Variants in NUTF2 observed in about 807,000 individuals in gnomAD.
NUTF2 encodes placental protein 15.
In NUTF2, 3 loss-of-function variants were observed where a neutral mutation model predicts 18.5. That is an observed-to-expected ratio of 0.16 (90% CI 0.07 to 0.42). The LOEUF is 0.42. Among genes scored for constraint, NUTF2 ranks in the 10% least tolerant of loss-of-function variants. NUTF2 has a pLI of 0.99. For synonymous variants in NUTF2, 51 were observed against 57.9 expected (o/e 0.88, Z 0.54); for missense variants, 44 against 160.7 (o/e 0.27, Z 3.93).
At chr16:67,847,130 A>C (rs1261297801) in intron 1 of NUTF2, 145 bp downstream of exon 1, 1 of 129,750 alleles carries the variant, frequency 7.7e-6, no homozygotes, top group African/African-American at 2.9e-5. Context: ...GGCCCGGGCC[A>C]TGTGTCGCGC....
chr16:67,863,447 C>G lies in NUTF2; in HGVS notation c.-29-1655C>G, dbSNP rs1282785143. ...CACAGAGCGGAGGATTGGCTGCGTT[C>G]TCACTCTTTCCCTACACGATTCCTC... On this transcript the variant is annotated intron_variant, in intron 1 of 4. Transcript: ENST00000219169. Among the ~76,000 whole-genome samples the G allele has an allele frequency of 5.5e-5, 8 of 144,266 alleles. No homozygotes were observed. In the East Asian group the frequency reaches 1.7e-3, roughly 31 times the overall value. The allele number at this position is 144,266 out of a possible 152,430, so 94.6% of individuals were successfully genotyped here.
At chr16:67,850,205 C>CT (rs768001106) in intron 1 of NUTF2, among the ~76,000 whole-genome samples, 5,425 of 149,716 alleles carry the variant, frequency 0.036, 295 homozygotes, top group African/African-American at 0.12. Flanking sequence ...TTCCCTGTAA[C>CT]TTCTTTTTTT....
At chr16:67,864,161 C>T (rs547376231) in intron 1 of NUTF2, among the ~76,000 whole-genome samples, 1 of 152,270 alleles carries the variant, frequency 6.6e-6, no homozygotes, top group African/African-American at 2.4e-5. Context: ...ATCACCTGGC[C>T]TCGGGGAAGT....
At chr16:67,858,459 A>T (rs72790368) in intron 1 of NUTF2, among the ~76,000 whole-genome samples, 3,786 of 152,250 alleles carry the variant, frequency 0.025, 84 homozygotes, top group Non-Finnish European at 0.035. Flanking sequence ...GAGCCACTGT[A>T]CCTGGCCACT....
intron 1 of NUTF2, among the ~76,000 whole-genome samples, chr16:67,863,316 T>G (rs888154703): frequency 6.6e-6 from 1 of 152,200 alleles, no homozygotes; most frequent in Non-Finnish European, 1.5e-5. Flanking sequence ...TGGACATTTC[T>G]TAGTCATCCC....
intron 2 of NUTF2, 107 bp from the exon 3 acceptor site, chr16:67,868,233 G>A: frequency 1.1e-6 from 1 of 914,524 alleles, no homozygotes; most frequent in Non-Finnish European, 1.7e-6. Flanking sequence ...GGAAACTGAA[G>A]TGTGGCCACA....
chr16:67,860,985 T>A (rs988174250), intron 1 of NUTF2, among the ~76,000 whole-genome samples: 8 of 152,230 alleles, frequency 5.3e-5, no homozygotes, highest in African/African-American at 1.9e-4. Context: ...CCTGAGGCCT[T>A]TGTTTGGAGG....
chr16:67,861,363 T>C (rs1439879006), intron 1 of NUTF2, among the ~76,000 whole-genome samples: 1 of 152,226 alleles, frequency 6.6e-6, no homozygotes, highest in African/African-American at 2.4e-5. Context: ...TTGGAAACAC[T>C]TAAAATTGGA....
intron 1 of NUTF2, among the ~76,000 whole-genome samples, chr16:67,850,329 C>T (rs1324786710): frequency 1.3e-5 from 2 of 151,726 alleles, no homozygotes; most frequent in African/African-American, 2.4e-5. Context: ...CTCAGCCTCC[C>T]GAGTAGCTGG....
At chr16:67,863,663 C>T (rs749256506) in intron 1 of NUTF2, among the ~76,000 whole-genome samples, 2 of 152,320 alleles carry the variant, frequency 1.3e-5, no homozygotes, top group East Asian at 1.9e-4. Flanking sequence ...GCATCAGATC[C>T]CACCACTGCG....
At chr16:67,855,230 C>T (rs754283700) in intron 1 of NUTF2, among the ~76,000 whole-genome samples, 16 of 152,138 alleles carry the variant, frequency 1.1e-4, no homozygotes, top group African/African-American at 1.4e-4. Flanking sequence ...ATTATTCACC[C>T]TCTTTTTCCT....
intron 1 of NUTF2, among the ~76,000 whole-genome samples, chr16:67,858,540 G>A (rs984022109): frequency 6.6e-6 from 1 of 152,236 alleles, no homozygotes; most frequent in Non-Finnish European, 1.5e-5. Flanking sequence ...TGGCACATAT[G>A]TGACACACGA....
intron 1 of NUTF2, among the ~76,000 whole-genome samples, chr16:67,854,097 C>T (rs188349429): frequency 8.3e-4 from 127 of 152,238 alleles, no homozygotes; most frequent in South Asian, 3.9e-3. Flanking sequence ...ACTACAGGCA[C>T]GCGCCACCAC....
intron 1 of NUTF2, among the ~76,000 whole-genome samples, chr16:67,856,343 C>G (rs954602918): frequency 1.3e-5 from 2 of 152,020 alleles, no homozygotes; most frequent in Admixed American, 6.6e-5. Flanking sequence ...AGGCACCCAC[C>G]ACCACGCCTG....
chr16:67,852,780 A>G (rs2057869690), intron 1 of NUTF2, among the ~76,000 whole-genome samples: 1 of 151,830 alleles, frequency 6.6e-6, no homozygotes, highest in African/African-American at 2.4e-5. Context: ...CCTGGGTTCT[A>G]GCGATTCTCT....
At chr16:67,860,317 CAG>C (rs2057926976) in intron 1 of NUTF2, among the ~76,000 whole-genome samples, 1 of 151,930 alleles carries the variant, frequency 6.6e-6, no homozygotes, top group Admixed American at 6.6e-5. Flanking sequence ...CCCTGTCACT[CAG>C]GGTGGATTGC....
intron 1 of NUTF2, among the ~76,000 whole-genome samples, chr16:67,853,465 C>T (rs550456017): frequency 2.0e-5 from 3 of 152,286 alleles, no homozygotes; most frequent in South Asian, 2.1e-4. Context: ...TCAAGAGATT[C>T]TCCTGCCTTA....
At chr16:67,869,003 C>T (rs933587533) in intron 4 of NUTF2, among the ~76,000 whole-genome samples, 1 of 152,012 alleles carries the variant, frequency 6.6e-6, no homozygotes, top group Non-Finnish European at 1.5e-5. Flanking sequence ...CAGTCCACTC[C>T]TGCAGCCCTT....
intron 1 of NUTF2, among the ~76,000 whole-genome samples, chr16:67,854,896 C>T (rs988824052): frequency 2.6e-5 from 4 of 152,042 alleles, no homozygotes; most frequent in Admixed American, 2.6e-4. Context: ...GAGCCAAGAT[C>T]GCGCCACTGC....
Sources: gnomAD v4.1 joint callset for allele counts (sites outside exome capture counted in the v4.1 genomes callset) on GRCh38, gnomAD v4.1.1 for gene constraint, MANE v1.5 for transcripts, NCBI Gene and HGNC (gene_info 2026-07-23, HGNC 2026-07-21) for gene names.